PRKCE: variants seen among roughly 807,000 people sequenced by gnomAD.
PRKCE encodes the protein protein kinase C epsilon type.
PRKCE carries 16 observed loss-of-function variants against 85.4 expected under a neutral mutation model. The observed-to-expected ratio is 0.19, with a 90% CI of 0.13 to 0.28. The LOEUF (loss-of-function observed/expected upper bound fraction) is 0.28. Among genes scored for constraint, PRKCE ranks in the 10% least tolerant of loss-of-function variants. The pLI is 1.00. For missense variants in PRKCE, 573 were observed against 975.2 expected (o/e 0.59, Z 5.49); for synonymous variants, 388 against 371.5 (o/e 1.04, Z -0.51).
At chr2:45,717,294 A>G (rs1366883270) in intron 1 of PRKCE, among the ~76,000 whole-genome samples, 1 of 152,154 alleles carries the variant, frequency 6.6e-6, no homozygotes, top group Non-Finnish European at 1.5e-5. Flanking sequence ...GTTTGGACCT[A>G]TGGGTTAAAG....
intron 2 of PRKCE, among the ~76,000 whole-genome samples, chr2:45,847,151 C>G (rs1691861879): frequency 6.6e-6 from 1 of 152,212 alleles, no homozygotes; most frequent in Non-Finnish European, 1.5e-5. Flanking sequence ...TCCATTTATT[C>G]CTTATCCTCT....
At chr2:45,813,816 T>C (rs559272293) in intron 1 of PRKCE, among the ~76,000 whole-genome samples, 5 of 152,324 alleles carry the variant, frequency 3.3e-5, no homozygotes, top group South Asian at 2.1e-4. Context: ...GTTGAGCTGA[T>C]GTAAAGTGCC....
At chr2:45,666,453 C>G (rs1675916831) in intron 1 of PRKCE, among the ~76,000 whole-genome samples, 1 of 151,810 alleles carries the variant, frequency 6.6e-6, no homozygotes, top group Non-Finnish European at 1.5e-5. Flanking sequence ...CATTTTCTGC[C>G]AGGTGGATCT....
At chr2:45,868,114 T>C (rs1163320533) in intron 2 of PRKCE, among the ~76,000 whole-genome samples, 2 of 151,998 alleles carry the variant, frequency 1.3e-5, no homozygotes, top group Non-Finnish European at 2.9e-5. Context: ...AGTCCTGGCT[T>C]CATACTGAAA....
At chr2:45,981,621 C>A (rs1404614628) in intron 5 of PRKCE, among the ~76,000 whole-genome samples, 1 of 152,220 alleles carries the variant, frequency 6.6e-6, no homozygotes, top group Non-Finnish European at 1.5e-5. Flanking sequence ...AGCACCTGCA[C>A]CTCCCGACTC....
At chr2:45,898,731 G>A (rs2103688372) in intron 2 of PRKCE, among the ~76,000 whole-genome samples, 1 of 152,324 alleles carries the variant, frequency 6.6e-6, no homozygotes. Context: ...GGAGTAGAGA[G>A]AGGGATTTGA....
At chr2:45,852,903 A>G (rs545671976) in intron 2 of PRKCE, among the ~76,000 whole-genome samples, 7 of 152,264 alleles carry the variant, frequency 4.6e-5, no homozygotes, top group Admixed American at 6.5e-5. Flanking sequence ...GCAGCCCAGG[A>G]TGGGGGCTGA....
At chr2:45,809,319 C>A (rs1688483263) in intron 1 of PRKCE, among the ~76,000 whole-genome samples, 2 of 152,106 alleles carry the variant, frequency 1.3e-5, no homozygotes, top group Non-Finnish European at 2.9e-5. Flanking sequence ...TCATTCATAA[C>A]TCTTTTTGAT....
intron 6 of PRKCE, among the ~76,000 whole-genome samples, chr2:45,988,532 T>G (rs1703525535): frequency 6.6e-6 from 1 of 152,190 alleles, no homozygotes. Context: ...CCTTGTCCTT[T>G]GCAGCCCACA....
chr2:46,022,106 A>T (rs1261414427), intron 10 of PRKCE, among the ~76,000 whole-genome samples: 1 of 152,188 alleles, frequency 6.6e-6, no homozygotes, highest in Non-Finnish European at 1.5e-5. Context: ...TTGGGTTCAC[A>T]TATGCCCTGT....
intron 10 of PRKCE, among the ~76,000 whole-genome samples, chr2:46,016,909 C>CAA (rs10555423): frequency 1.7e-5 from 2 of 118,190 alleles, no homozygotes; most frequent in African/African-American, 3.1e-5. Context: ...GACTCTGTCT[C>CAA]AAAAAAAAAA....
At chr2:45,656,206 T>C (rs1324078100) in intron 1 of PRKCE, among the ~76,000 whole-genome samples, 1 of 152,240 alleles carries the variant, frequency 6.6e-6, no homozygotes, top group Admixed American at 6.5e-5. Context: ...CCACTATTCA[T>C]GAAATCACAG....
chr2:46,021,103 G>T (rs1056155503), intron 10 of PRKCE, among the ~76,000 whole-genome samples: 1 of 152,144 alleles, frequency 6.6e-6, no homozygotes, highest in African/African-American at 2.4e-5. Flanking sequence ...GGCATTGGGG[G>T]GCAGGGCACA....
intron 2 of PRKCE, among the ~76,000 whole-genome samples, chr2:45,909,857 G>A (rs538455518): frequency 1.3e-5 from 2 of 152,160 alleles, no homozygotes; most frequent in East Asian, 1.9e-4. Context: ...GGGCAGACAC[G>A]TGGCCAACAA....
Position 46,004,525 on chromosome 2 carries a change from C to T in PRKCE, c.967-17C>T, listed in dbSNP as rs1574193163. 3 of 1,560,438 alleles carry T rather than the reference C, an allele frequency of 1.9e-6. No homozygotes were observed. The highest frequency in any genetic ancestry group is 2.6e-6 in the Non-Finnish European group (3 of 1,157,784). ...CTCCCTTCTGATGCCTCTGTCCCTG[C>T]TTTCTCTCCTCTCTAGCTCATTGCT... On this transcript the variant is annotated splice_polypyrimidine_tract_variant and intron_variant, in intron 7 of 14. Coordinates refer to ENST00000306156, the MANE Select transcript of PRKCE (RefSeq NM_005400.3). This position sits in a 1 kb window ranked among gnomAD's most constrained non-coding sequence, Gnocchi z 4.1.
chr2:45,943,817 C>T (rs567044886), intron 2 of PRKCE, among the ~76,000 whole-genome samples: 9 of 152,192 alleles, frequency 5.9e-5, no homozygotes, highest in Non-Finnish European at 1.0e-4. Flanking sequence ...GCAGGGGAGG[C>T]TGTGTCTGTG....
chr2:46,015,137 G>A (rs1018125567), intron 10 of PRKCE, among the ~76,000 whole-genome samples: 2 of 152,118 alleles, frequency 1.3e-5, no homozygotes, highest in Middle Eastern at 3.2e-3. Flanking sequence ...TGTGGGGGAA[G>A]TGACTTTTGG....
At chr2:46,095,859 CAAT>C (rs1487118913) in intron 11 of PRKCE, among the ~76,000 whole-genome samples, 1 of 152,222 alleles carries the variant, frequency 6.6e-6, no homozygotes, top group African/African-American at 2.4e-5. Flanking sequence ...GCAGCAACAA[CAAT>C]AATAGCAAAA....
intron 10 of PRKCE, among the ~76,000 whole-genome samples, chr2:46,051,885 G>A (rs1007950949): frequency 1.3e-5 from 2 of 152,176 alleles, no homozygotes; most frequent in Non-Finnish European, 2.9e-5. Flanking sequence ...GCAGCAGAGA[G>A]AGAAGAAGTG....
Sources: gnomAD v4.1 joint callset for allele counts (sites outside exome capture counted in the v4.1 genomes callset) on GRCh38, gnomAD v4.1.1 for gene constraint, Gnocchi (gnomAD v3.1) non-coding constraint, MANE v1.5 for transcripts, NCBI Gene and HGNC (gene_info 2026-07-23, HGNC 2026-07-21) for gene names.